FGF14: variants seen among roughly 807,000 people sequenced by gnomAD.
FGF14 encodes fibroblast growth factor homologous factor 4.
A neutral mutation model predicts 25.5 loss-of-function variants in FGF14; 5 were observed. That is an observed-to-expected ratio of 0.20 (90% CI 0.10 to 0.41). The LOEUF (loss-of-function observed/expected upper bound fraction) is 0.41, where lower values mean the gene tolerates loss of function less well. FGF14 is among the 10% of genes least tolerant of loss of function. FGF14 has a pLI of 1.00. For missense variants in FGF14, 222 were observed against 320.1 expected, an observed-to-expected ratio of 0.69 and a Z score of 2.34; for synonymous variants, 138 against 118.3, an observed-to-expected ratio of 1.17 and a Z score of -1.08.
At position 101,712,239 on chromosome 13, in the gene FGF14, A is replaced by G. The variant is rs1416860582; in HGVS notation, c.*10592T>C. The G allele has an allele frequency of 6.6e-6, 1 of 152,256 alleles. No individual in the cohort carries two copies. Among genetic ancestry groups the G allele is most frequent in the East Asian group, 1.9e-4 (1 of 5,204 alleles). 9.4% of individuals were successfully genotyped at this position (152,256 alleles called of 1,614,324 possible). ...CAGGAAAGAATAACACAGCTGGGAA[A>G]ATGCTGACCTAGAAATGCTACTGTT... On this transcript the variant is annotated 3_prime_UTR_variant, in exon 5 of 5. Coordinates refer to ENST00000376143, the MANE Select transcript of FGF14 (RefSeq NM_004115.4).
intron 1 of FGF14, among the ~76,000 whole-genome samples, chr13:102,103,131 G>A (rs1180335644): frequency 1.3e-5 from 2 of 152,212 alleles, no homozygotes; most frequent in African/African-American, 4.8e-5. Flanking sequence ...CAAGAGGTGA[G>A]GACAGAAAGA....
At chr13:102,120,918 G>C (rs1352464515) in intron 1 of FGF14, among the ~76,000 whole-genome samples, 2 of 152,080 alleles carry the variant, frequency 1.3e-5, no homozygotes, top group Non-Finnish European at 2.9e-5. Context: ...TGGCCAGGCT[G>C]CTCTCAAACT....
At chr13:102,252,744 C>T (rs755827264) in intron 1 of FGF14, among the ~76,000 whole-genome samples, 10 of 151,800 alleles carry the variant, frequency 6.6e-5, no homozygotes, top group Non-Finnish European at 8.8e-5. Flanking sequence ...CAGGAATACA[C>T]GTGCCATGGT....
intron 3 of FGF14, among the ~76,000 whole-genome samples, chr13:101,760,288 A>G (rs1425934106): frequency 6.6e-6 from 1 of 152,182 alleles, no homozygotes; most frequent in Non-Finnish European, 1.5e-5. Flanking sequence ...GGCTTACTCT[A>G]CGTTCACTGC....
intron 1 of FGF14, among the ~76,000 whole-genome samples, chr13:102,322,438 A>G (rs1191915683): frequency 2.0e-5 from 3 of 152,132 alleles, no homozygotes; most frequent in Non-Finnish European, 4.4e-5. Context: ...TGGGGATCCT[A>G]TAACTGCCAT....
At chr13:102,013,580 G>A (rs2040190851) in intron 1 of FGF14, among the ~76,000 whole-genome samples, 1 of 152,122 alleles carries the variant, frequency 6.6e-6, no homozygotes, top group Non-Finnish European at 1.5e-5. Flanking sequence ...AAACCCAAAG[G>A]AATTGTGCAA....
At chr13:101,800,341 TC>T (rs1264496457) in intron 3 of FGF14, among the ~76,000 whole-genome samples, 1 of 152,198 alleles carries the variant, frequency 6.6e-6, no homozygotes, top group African/African-American at 2.4e-5. Context: ...AGAATTGACA[TC>T]TATTCTTCAA....
At chr13:102,053,749 A>C (rs1420367173) in intron 1 of FGF14, among the ~76,000 whole-genome samples, 2 of 152,158 alleles carry the variant, frequency 1.3e-5, no homozygotes, top group African/African-American at 4.8e-5. Context: ...TAATAAACAC[A>C]TATAATGGCT....
chr13:101,914,417 C>A (rs916147411), intron 1 of FGF14, among the ~76,000 whole-genome samples: 1 of 151,810 alleles, frequency 6.6e-6, no homozygotes, highest in African/African-American at 2.4e-5. Flanking sequence ...AATTCTCATA[C>A]AATTTCCTTA....
At chr13:102,119,333 C>T (rs1393672843) in intron 1 of FGF14, among the ~76,000 whole-genome samples, 1 of 152,044 alleles carries the variant, frequency 6.6e-6, no homozygotes, top group Non-Finnish European at 1.5e-5. Context: ...CAGACTATAT[C>T]GTGGGGAGAG....
At chr13:102,178,198 A>C (rs1019313218) in intron 1 of FGF14, among the ~76,000 whole-genome samples, 16 of 152,110 alleles carry the variant, frequency 1.1e-4, no homozygotes, top group Admixed American at 1.0e-3. Context: ...CACTGACAAC[A>C]GTGGGAATTA....
chr13:102,357,902 T>C (rs60934346), intron 1 of FGF14, among the ~76,000 whole-genome samples: 3,644 of 152,238 alleles, frequency 0.024, 156 homozygotes, highest in African/African-American at 0.082. Flanking sequence ...AATGTACATA[T>C]CTGTAGATAC....
intron 1 of FGF14, among the ~76,000 whole-genome samples, chr13:102,310,933 C>T (rs1170522603): frequency 6.6e-6 from 1 of 152,052 alleles, no homozygotes; most frequent in South Asian, 2.1e-4. Flanking sequence ...GCATCCAGGG[C>T]GTGACCTAAT....
At chr13:102,193,662 G>C (rs1301931124) in intron 1 of FGF14, among the ~76,000 whole-genome samples, 1 of 152,170 alleles carries the variant, frequency 6.6e-6, no homozygotes, top group Admixed American at 6.5e-5. Flanking sequence ...CTAGTCATTA[G>C]CTGACAATTA....
At chr13:102,361,760 T>G (rs1170571860) in intron 1 of FGF14, among the ~76,000 whole-genome samples, 1 of 152,258 alleles carries the variant, frequency 6.6e-6, no homozygotes, top group Admixed American at 6.5e-5. Flanking sequence ...ATTTCACATC[T>G]TCCAAACTGA....
At chr13:102,401,658 G>T (rs2058705310) in exon 1 of FGF14, 12 of 1,613,968 alleles carry the variant, frequency 7.4e-6, no homozygotes, top group Admixed American at 1.7e-5. Flanking sequence ...TTCTCCTGAA[G>T]AGGGGCACCG....
At chr13:102,243,685 C>T (rs1239732420) in intron 1 of FGF14, among the ~76,000 whole-genome samples, 1 of 144,490 alleles carries the variant, frequency 6.9e-6, no homozygotes, top group African/African-American at 2.6e-5. Context: ...TTTCTCTGGC[C>T]CTCGATGAAA....
intron 1 of FGF14, among the ~76,000 whole-genome samples, chr13:102,084,308 C>A (rs1220161669): frequency 6.6e-6 from 1 of 152,136 alleles, no homozygotes; most frequent in African/African-American, 2.4e-5. Flanking sequence ...ATATCAACTC[C>A]ATTTTGGTAA....
chr13:101,871,300 C>G (rs1000696953), intron 2 of FGF14, among the ~76,000 whole-genome samples: 1 of 152,116 alleles, frequency 6.6e-6, no homozygotes, highest in Non-Finnish European at 1.5e-5. Context: ...TCTGGCCGCA[C>G]GTTAAAACTA....
Sources: allele counts gnomAD v4.1 joint callset (sites outside exome capture counted in the v4.1 genomes callset), GRCh38; gene constraint gnomAD v4.1.1; transcripts MANE v1.5; gene names NCBI Gene and HGNC (gene_info 2026-07-23, HGNC 2026-07-21).